ZNF551: variants seen among roughly 807,000 people sequenced by gnomAD.
The protein encoded by ZNF551 is zinc finger protein 551.
A neutral mutation model predicts 7.9 loss-of-function variants in ZNF551; 5 were observed. The ratio of observed to expected loss-of-function variants is 0.63; its 90% CI spans 0.33 to 1.33. The LOEUF is 1.33. Among genes scored for constraint, ZNF551 ranks in the 40% most tolerant of loss-of-function variants. The probability of loss-of-function intolerance (pLI) is 0.05; values close to 1 mark genes in which losing one functional copy is unlikely to be tolerated. For missense variants in ZNF551, 788 were observed against 825.2 expected, an observed-to-expected ratio of 0.95 and a Z score of 0.55; for synonymous variants, 287 against 277.3, an observed-to-expected ratio of 1.03 and a Z score of -0.35.
At position 57,685,332 on chromosome 19, in the gene ZNF551, G is replaced by T. The variant is rs1984521279; in HGVS notation, c.152G>T (p.Arg51Met). 6.2e-7 allele frequency: 1 copy of T among 1,614,136 alleles called. No homozygotes were observed. The change falls in exon 2 of 3, where the codon AGG becomes ATG. Residue 51 changes from arginine (R) to methionine (M), a missense_variant. Coordinates refer to ENST00000282296, the MANE Select transcript of ZNF551 (RefSeq NM_138347.5). ...EEWELLDESQRFLYCDVMLEN... is the reference protein window; with the variant it reads ...EEWELLDESQMFLYCDVMLEN... ...TGGGAGCTCCTTGATGAGTCTCAGAGGTTCCTGTACTGCGATGTGATGCTG... is the reference window on the plus strand; with the variant it reads ...TGGGAGCTCCTTGATGAGTCTCAGATGTTCCTGTACTGCGATGTGATGCTG...
intron 1 of ZNF551, among the ~76,000 whole-genome samples, chr19:57,684,958 C>G (rs1030872371): frequency 2.0e-5 from 3 of 152,186 alleles, no homozygotes; most frequent in African/African-American, 7.2e-5. Flanking sequence ...ACAAGACAAA[C>G]GTCAGATCAC....
Position 57,686,409 on chromosome 19 carries a change from A to G in ZNF551, c.206-72A>G, listed in dbSNP as rs1236627556. 6.4e-6 allele frequency: 10 copies of G among 1,558,304 alleles called. No individual in the cohort carries two copies. In the East Asian group the frequency reaches 2.3e-4, roughly 35 times the overall value. On this transcript the variant is annotated intron_variant, in intron 2 of 2. Coordinates refer to ENST00000282296, the MANE Select transcript of ZNF551 (RefSeq NM_138347.5). ...CATGCACTCAGTTCTTGTGTCTCAC[A>G]CATTTTTGTGATACATCTTTCTCCT...
rs556047468 is a variant in ZNF551 at position 57,682,027 on chromosome 19, T to C, written c.-137T>C. On this transcript the variant is annotated 5_prime_UTR_variant, in exon 1 of 3. Coordinates refer to ENST00000282296, the MANE Select transcript of ZNF551 (RefSeq NM_138347.5). ...CGGTCATTTTGGCCTCTGTCCTGTT[T>C]GTCCAGCCCGCCAGTTTCTGCAGTG... The C allele has an allele frequency of 1.1e-6, 1 of 928,646 alleles. No homozygotes were observed. Among genetic ancestry groups the C allele is most frequent in the South Asian group, 1.7e-5 (1 of 60,204 alleles). The allele number at this position is 928,646 out of a possible 1,614,324, so 57.5% of individuals were successfully genotyped here. A position where few individuals can be genotyped will look rare whatever the true frequency, so the allele number is the denominator to read the frequency against.
Position 57,688,351 on chromosome 19 carries a change from C to T in ZNF551, c.*63C>T, listed in dbSNP as rs1984657714. On this transcript the variant is annotated 3_prime_UTR_variant, in exon 3 of 3. Coordinates refer to ENST00000282296, the MANE Select transcript of ZNF551 (RefSeq NM_138347.5). ...TAGCACTGGAGGAGACTGTGGTAGC[C>T]ATCTTCGTAAATTTAAACTTTGAGC... 1 of 1,550,692 alleles carries T rather than the reference C, an allele frequency of 6.4e-7. No homozygotes were observed. Among genetic ancestry groups the T allele is most frequent in the Non-Finnish European group, 8.7e-7 (1 of 1,148,354 alleles).
chr19:57,688,088 C>T lies in ZNF551; in HGVS notation c.1813C>T (p.His605Tyr). ...TAGCCAGAGCTCTAGCCTCATTCAA[C>T]ACCAGAGAGGTCACACTGGAGAAAG... ...SFSQSSSLIQ[H>Y]QRGHTGERPY... Residue 605 changes from histidine to tyrosine, a missense_variant, in exon 3 of 3, where the codon CAC (histidine) becomes TAC (tyrosine). By Grantham distance (83) the His-to-Tyr change is moderately conservative. Coordinates refer to ENST00000282296, the MANE Select transcript of ZNF551 (RefSeq NM_138347.5). 3 of 1,614,140 alleles carry T rather than the reference C, an allele frequency of 1.9e-6. No individual in the cohort carries two copies. The highest frequency in any genetic ancestry group is 3.3e-5 in the Admixed American group (2 of 60,022).
rs140859378 is a variant in ZNF551, at chr19:57,684,693, G to A, written c.82-569G>A. 3.0e-3 allele frequency among the ~76,000 whole-genome samples: 458 copies of A among 152,260 alleles called. 8 individuals are homozygous for A. Among genetic ancestry groups the A allele is most frequent in the Middle Eastern group, 0.017 (5 of 294 alleles). On this transcript the variant is annotated intron_variant, in intron 1 of 2. Coordinates refer to ENST00000282296, the MANE Select transcript of ZNF551 (RefSeq NM_138347.5). ...AACAGGGGATAGATGCAGCAGGGATGAATTTGGGGTCCTAGGAGAGATACT... is the reference window on the plus strand; with the variant it reads ...AACAGGGGATAGATGCAGCAGGGATAAATTTGGGGTCCTAGGAGAGATACT...
intron 1 of ZNF551, 111 bp from the exon 2 acceptor site, chr19:57,685,151 T>A: frequency 6.8e-7 from 1 of 1,462,246 alleles, no homozygotes; most frequent in Non-Finnish European, 9.3e-7. Flanking sequence ...GCACTGTGGC[T>A]GGTTATCTCC....
chr19:57,682,249 G>A lies in ZNF551; in HGVS notation c.81+5G>A, dbSNP rs1292492529. ...GCGCTGAGGGACTCGGCTCAGGTGA[G>A]TTGTGCGTCCTCCGGGTCTCGCCTA... On this transcript the variant is annotated splice_donor_5th_base_variant and intron_variant, in intron 1 of 2. Transcript: ENST00000282296. 4 of 1,549,876 alleles carry A rather than the reference G, an allele frequency of 2.6e-6. No homozygotes were observed. Among genetic ancestry groups the A allele is most frequent in the Non-Finnish European group, 3.5e-6 (4 of 1,146,436 alleles).
Position 57,687,007 on chromosome 19 carries a change from C to G in ZNF551, c.732C>G (p.Val244=), listed in dbSNP as rs112833041. 1.7e-5 allele frequency: 28 copies of G among 1,614,188 alleles called. 1 individual carries two copies. Among genetic ancestry groups the G allele is most frequent in the African/African-American group, 1.6e-4 (12 of 75,048 alleles). The change falls in exon 3 of 3, where the codon GTC becomes GTG. Residue 244 remains valine (V), a synonymous_variant. Coordinates refer to ENST00000282296, the MANE Select transcript of ZNF551 (RefSeq NM_138347.5). ...ACACACTTGTTCAGCATCAGAGTGT[C>G]TGTTCTGAAGGAGGGCTTTATGAGT... The part of the protein sequence containing the change: ...HKHTLVQHQS[V]CSEGGLYECS...
In ZNF551 at chr19:57,688,139, AAACCCT is replaced by A; in HGVS notation, c.1865_1870del (p.Lys622_Phe624delinsIle). 1 of 1,614,078 alleles carries A rather than the reference AAACCCT, an allele frequency of 6.2e-7. No individual in the cohort carries two copies. Among genetic ancestry groups the A allele is most frequent in the Non-Finnish European group, 8.5e-7 (1 of 1,180,000 alleles). On this transcript the variant is annotated inframe_deletion, in exon 3 of 3. Transcript: ENST00000282296. ...ACCTTATGAGTGCAGTCAATGTGGG[AAACCCT>A]TTACCCACAAATCAGACCTTATTCA...
In ZNF551 at chr19:57,686,925, T is replaced by C. The variant is rs1311549628; in HGVS notation, c.650T>C (p.Phe217Ser). 1 of 1,614,178 alleles carries C rather than the reference T, an allele frequency of 6.2e-7. No individual in the cohort carries two copies. The highest frequency in any genetic ancestry group is 8.5e-7 in the Non-Finnish European group (1 of 1,180,040). Residue 217 changes from phenylalanine (F) to serine (S), a missense_variant, in exon 3 of 3, where the codon TTC becomes TCC. Physicochemically the swap from Phe to Ser is radical, Grantham distance 155 (BLOSUM62 -2). Transcript: ENST00000282296. ...SSSSKHIQAFFNAKSYYKWGE... is the reference protein window; with the variant it reads ...SSSSKHIQAFSNAKSYYKWGE... ...AGCAGCAAGCATATACAGGCATTTT[T>C]CAATGCAAAAAGTTATTACAAGTGG...
chr19:57,688,471 T>C lies in ZNF551; in HGVS notation c.*183T>C. ...TAATCTGCCGAGGCCTATAGCCTGATTTATGTCACTGCCAATTTCTGAGGC... is the reference window on the plus strand; with the variant it reads ...TAATCTGCCGAGGCCTATAGCCTGACTTATGTCACTGCCAATTTCTGAGGC... On this transcript the variant is annotated 3_prime_UTR_variant, in exon 3 of 3. Coordinates refer to ENST00000282296, the MANE Select transcript of ZNF551 (RefSeq NM_138347.5). The C allele has an allele frequency of 1.3e-6, 1 of 799,006 alleles. No individual in the cohort carries two copies. The highest frequency in any genetic ancestry group is 2.0e-5 in the South Asian group (1 of 50,496). The allele number at this position is 799,006 out of a possible 1,614,324, so 49.5% of individuals were successfully genotyped here.
rs142778729 is a variant in ZNF551 at position 57,688,115 on chromosome 19, C to A, written c.1840C>A (p.Pro614Thr). The A allele has an allele frequency of 6.6e-5, 107 of 1,614,138 alleles. No homozygotes were observed. The East Asian group carries it at 1.9e-3, about 29-fold the overall frequency. Residue 614 changes from proline (P) to threonine (T), a missense_variant, in exon 3 of 3, where the codon CCT becomes ACT. Pro to Thr is a conservative substitution (Grantham distance 38). Transcript: ENST00000282296. ...CCAGAGAGGTCACACTGGAGAAAGA[C>A]CTTATGAGTGCAGTCAATGTGGGAA... The part of the protein sequence containing the change: ...QHQRGHTGER[P>T]YECSQCGKPF...
chr19:57,690,401 ACG>A lies in ZNF551; in HGVS notation c.*2114_*2115del, dbSNP rs200300223. The A allele has an allele frequency of 2.1e-5, 3 of 144,964 alleles. No individual in the cohort carries two copies. The highest frequency in any genetic ancestry group is 3.1e-5 in the Non-Finnish European group (2 of 65,474). 9.0% of individuals were successfully genotyped at this position (144,964 alleles called of 1,614,324 possible). A position where few individuals can be genotyped will look rare whatever the true frequency, so the allele number is the denominator to read the frequency against. On this transcript the variant is annotated 3_prime_UTR_variant, in exon 3 of 3. Coordinates refer to ENST00000282296, the MANE Select transcript of ZNF551 (RefSeq NM_138347.5). ...CACACACACACACACACACACACAC[ACG>A]TATACGCATATACGTATACGTATAT...
rs564256705 is a variant in ZNF551 at position 57,690,335 on chromosome 19, A to G, written c.*2047A>G. ...GTTCAACTGATTTCCTTTACAGTAAATTAGTTTGCATTTTCTGGAGTTTTT... is the reference window on the plus strand; with the variant it reads ...GTTCAACTGATTTCCTTTACAGTAAGTTAGTTTGCATTTTCTGGAGTTTTT... On this transcript the variant is annotated 3_prime_UTR_variant, in exon 3 of 3. Coordinates refer to ENST00000282296, the MANE Select transcript of ZNF551 (RefSeq NM_138347.5). The G allele has an allele frequency of 6.6e-6, 1 of 151,984 alleles. No homozygotes were observed. Among genetic ancestry groups the G allele is most frequent in the Admixed American group, 6.6e-5 (1 of 15,250 alleles). The allele number at this position is 151,984 out of a possible 1,614,324, so 9.4% of individuals were successfully genotyped here.
chr19:57,684,958 C>T (rs1030872371), intron 1 of ZNF551, among the ~76,000 whole-genome samples: 5 of 152,186 alleles, frequency 3.3e-5, no homozygotes, highest in East Asian at 1.9e-4. Flanking sequence ...ACAAGACAAA[C>T]GTCAGATCAC....
chr19:57,689,673 C>T lies in ZNF551; in HGVS notation c.*1385C>T, dbSNP rs891353327. The T allele has an allele frequency of 1.3e-5, 2 of 152,218 alleles. 1 individual carries two copies. Among genetic ancestry groups the T allele is most frequent in the Non-Finnish European group, 2.9e-5 (2 of 68,136 alleles). The allele number at this position is 152,218 out of a possible 1,614,324, so 9.4% of individuals were successfully genotyped here. ...AATTAGCCAGGCGTGGCAGCATGCG[C>T]CTATAGTCCCAGCCACTTGGGAGGC... On this transcript the variant is annotated 3_prime_UTR_variant, in exon 3 of 3. Coordinates refer to ENST00000282296, the MANE Select transcript of ZNF551 (RefSeq NM_138347.5).
intron 2 of ZNF551, among the ~76,000 whole-genome samples, chr19:57,685,998 G>C (rs1984542096): frequency 6.6e-6 from 1 of 152,142 alleles, no homozygotes; most frequent in Non-Finnish European, 1.5e-5. Context: ...TCCAGTGTTT[G>C]GCTACCTCCA....
In ZNF551 at chr19:57,688,398, A is replaced by G. The variant is rs1413750947; in HGVS notation, c.*110A>G. 9 of 1,436,800 alleles carry G rather than the reference A, an allele frequency of 6.3e-6. No individual in the cohort carries two copies. Among genetic ancestry groups the G allele is most frequent in the East Asian group, 2.3e-5 (1 of 43,572 alleles). 89.0% of individuals were successfully genotyped at this position (1,436,800 alleles called of 1,614,324 possible). On this transcript the variant is annotated 3_prime_UTR_variant, in exon 3 of 3. Coordinates refer to ENST00000282296, the MANE Select transcript of ZNF551 (RefSeq NM_138347.5). ...GAGCACCCACAGTGGGGTATTCTTC[A>G]TAAGTTTCAGGTATGTGGGAAGCTC...
Sources: allele counts gnomAD v4.1 joint callset (sites outside exome capture counted in the v4.1 genomes callset), GRCh38; gene constraint gnomAD v4.1.1; transcripts MANE v1.5; gene names NCBI Gene and HGNC (gene_info 2026-07-23, HGNC 2026-07-21).